NRXN3: variants seen among roughly 807,000 people sequenced by gnomAD.
The protein encoded by NRXN3 is neurexin III.
NRXN3 carries 32 observed loss-of-function variants against 137.6 expected under a neutral mutation model. The observed-to-expected ratio is 0.23, with a 90% confidence interval of 0.18 to 0.31. The LOEUF is 0.31. Among genes scored for constraint, NRXN3 ranks in the 10% least tolerant of loss-of-function variants. The pLI, the probability that NRXN3 is intolerant of heterozygous loss-of-function variation, is 1.00. For missense variants in NRXN3, 1,574 were observed against 2,062.5 expected, an observed-to-expected ratio of 0.76 and a Z score of 4.59; for synonymous variants, 798 against 784.5, an observed-to-expected ratio of 1.02 and a Z score of -0.29.
At chr14:79,114,819 C>T (rs942867079) in intron 15 of NRXN3, among the ~76,000 whole-genome samples, 2 of 152,078 alleles carry the variant, frequency 1.3e-5, no homozygotes, top group Admixed American at 6.5e-5. Context: ...TGAGCCATGG[C>T]ACCCAGCAAA....
intron 15 of NRXN3, among the ~76,000 whole-genome samples, chr14:79,267,711 G>A (rs2078655363): frequency 6.6e-6 from 1 of 151,828 alleles, no homozygotes; most frequent in Admixed American, 6.6e-5. Flanking sequence ...TTGAACTCCT[G>A]GCCTCAAGTG....
At chr14:78,213,690 T>G (rs1052897286) in intron 1 of NRXN3, among the ~76,000 whole-genome samples, 1 of 152,160 alleles carries the variant, frequency 6.6e-6, no homozygotes, top group Non-Finnish European at 1.5e-5. Context: ...GTAGCTGTGC[T>G]GTTGTCAACT....
At chr14:78,197,618 C>T (rs1234253119) in intron 1 of NRXN3, among the ~76,000 whole-genome samples, 1 of 152,216 alleles carries the variant, frequency 6.6e-6, no homozygotes, top group East Asian at 1.9e-4. Context: ...GTATAAGCTC[C>T]CTTGCTTCCT....
At chr14:78,591,417 G>A (rs1180704182) in intron 4 of NRXN3, among the ~76,000 whole-genome samples, 2 of 152,142 alleles carry the variant, frequency 1.3e-5, no homozygotes, top group African/African-American at 4.8e-5. Context: ...CACATTTTGA[G>A]TAGCGTGGTG....
chr14:78,177,554 A>G (rs2059391497), intron 1 of NRXN3, among the ~76,000 whole-genome samples: 1 of 152,116 alleles, frequency 6.6e-6, no homozygotes, highest in Admixed American at 6.5e-5. Context: ...CCTTTGTCCT[A>G]GTGTAATTAG....
At chr14:78,436,411 T>C (rs546461095) in intron 4 of NRXN3, among the ~76,000 whole-genome samples, 49 of 152,346 alleles carry the variant, frequency 3.2e-4, no homozygotes, top group African/African-American at 1.1e-3. Context: ...GTGAATACTG[T>C]TATTATCCTT....
chr14:79,068,967 T>C (rs2099684075), intron 15 of NRXN3, among the ~76,000 whole-genome samples: 1 of 152,076 alleles, frequency 6.6e-6, no homozygotes, highest in Non-Finnish European at 1.5e-5. Flanking sequence ...TTGATTAACT[T>C]GTTAATACTA....
At chr14:78,993,329 T>C (rs1242009494) in intron 15 of NRXN3, among the ~76,000 whole-genome samples, 2 of 152,162 alleles carry the variant, frequency 1.3e-5, no homozygotes, top group Admixed American at 1.3e-4. Context: ...GGGACAGATA[T>C]GTGTATACTG....
chr14:78,811,381 G>A (rs1393123194), intron 10 of NRXN3, among the ~76,000 whole-genome samples: 8 of 152,174 alleles, frequency 5.3e-5, no homozygotes, highest in Admixed American at 5.2e-4. Context: ...GAGAGAGAGA[G>A]AGAGAGCTTG....
intron 4 of NRXN3, among the ~76,000 whole-genome samples, chr14:78,612,278 G>A (rs1372712768): frequency 6.6e-6 from 1 of 152,162 alleles, no homozygotes; most frequent in Non-Finnish European, 1.5e-5. Context: ...AAGTTTCTTA[G>A]TTCTTTGGGT....
At chr14:79,480,397 G>A (rs2096596678) in intron 16 of NRXN3, among the ~76,000 whole-genome samples, 1 of 152,130 alleles carries the variant, frequency 6.6e-6, no homozygotes, top group Admixed American at 6.6e-5. Context: ...GGTGTGACGT[G>A]TGAATGACGT....
At chr14:79,117,626 G>A (rs374025659) in intron 15 of NRXN3, among the ~76,000 whole-genome samples, 4 of 152,140 alleles carry the variant, frequency 2.6e-5, no homozygotes, top group African/African-American at 4.8e-5. Flanking sequence ...AAGTGTGATC[G>A]GTAGAAGTCA....
intron 19 of NRXN3, among the ~76,000 whole-genome samples, chr14:79,735,919 C>A (rs1352247449): frequency 6.6e-6 from 1 of 152,194 alleles, no homozygotes; most frequent in Non-Finnish European, 1.5e-5. Context: ...ATTAGTCACA[C>A]ATAATTGGTA....
chr14:78,325,248 G>C (rs748439581), intron 4 of NRXN3, among the ~76,000 whole-genome samples: 1 of 151,958 alleles, frequency 6.6e-6, no homozygotes, highest in Non-Finnish European at 1.5e-5. Flanking sequence ...TTATGTTTCG[G>C]GGTGTGGGAA....
intron 15 of NRXN3, among the ~76,000 whole-genome samples, chr14:79,076,873 C>T (rs1018581524): frequency 2.0e-5 from 3 of 152,122 alleles, no homozygotes; most frequent in African/African-American, 7.2e-5. Flanking sequence ...AGTAGAGAAG[C>T]ATTGCATTTA....
At chr14:79,777,250 G>A (rs2099099867) in intron 19 of NRXN3, among the ~76,000 whole-genome samples, 1 of 152,244 alleles carries the variant, frequency 6.6e-6, no homozygotes, top group Admixed American at 6.5e-5. Flanking sequence ...TGTACTGTAA[G>A]GCAGTTTCTG....
intron 15 of NRXN3, among the ~76,000 whole-genome samples, chr14:79,346,059 C>T (rs749990806): frequency 2.0e-5 from 3 of 152,190 alleles, no homozygotes; most frequent in Non-Finnish European, 4.4e-5. Context: ...AAATGATCTT[C>T]TTGCTTCAGT....
At chr14:79,300,228 A>G (rs574410804) in intron 15 of NRXN3, among the ~76,000 whole-genome samples, 1 of 152,202 alleles carries the variant, frequency 6.6e-6, no homozygotes, top group East Asian at 1.9e-4. Flanking sequence ...GATAGAACAA[A>G]GATTTAAACT....
intron 20 of NRXN3, among the ~76,000 whole-genome samples, chr14:79,818,048 T>TG (rs1603605666): frequency 1.1e-5 from 1 of 87,626 alleles, no homozygotes; most frequent in East Asian, 2.7e-4. Flanking sequence ...GCACTTGGGT[T>TG]TTTTTTTTTT....
Sources: gnomAD v4.1 joint callset for allele counts (sites outside exome capture counted in the v4.1 genomes callset) on GRCh38, gnomAD v4.1.1 for gene constraint, MANE v1.5 for transcripts, NCBI Gene and HGNC (gene_info 2026-07-23, HGNC 2026-07-21) for gene names.